CFTR: variants seen among roughly 807,000 people sequenced by gnomAD.
CFTR encodes CF transmembrane conductance regulator.
A neutral mutation model predicts 171.6 loss-of-function variants in CFTR; 181 were observed. The ratio of observed to expected loss-of-function variants is 1.05; its 90% CI spans 0.93 to 1.19. CFTR has a LOEUF of 1.19. Ranked by LOEUF, CFTR falls within the 50% of genes most tolerant of loss-of-function variation. The probability of loss-of-function intolerance (pLI) is 0.00; values close to 1 mark genes in which losing one functional copy is unlikely to be tolerated. For missense variants in CFTR, 1,968 were observed against 1,734.7 expected (o/e 1.13, Z -2.39); for synonymous variants, 583 against 608.0 (o/e 0.96, Z 0.60).
chr7:117,661,968 C>A (rs1793295061), intron 24 of CFTR, among the ~76,000 whole-genome samples: 1 of 115,568 alleles, frequency 8.7e-6, no homozygotes, highest in Non-Finnish European at 1.7e-5. Flanking sequence ...CCTTTTCTTG[C>A]TGGTTAATTT....
At chr7:117,587,949 G>C in intron 12 of CFTR, 116 bp downstream of exon 12, 1 of 711,094 alleles carries the variant, frequency 1.4e-6, no homozygotes, top group East Asian at 2.7e-5. Flanking sequence ...AAAAATCCTG[G>C]GGTTTTATGG....
chr7:117,580,978 C>T (rs1791841532), intron 11 of CFTR, among the ~76,000 whole-genome samples: 1 of 152,078 alleles, frequency 6.6e-6, no homozygotes, highest in Admixed American at 6.6e-5. Context: ...ATCCTAAAAG[C>T]AAGATACATT....
intron 13 of CFTR, among the ~76,000 whole-genome samples, chr7:117,591,144 A>C (rs1442031571): frequency 1.3e-5 from 2 of 152,190 alleles, no homozygotes; most frequent in African/African-American, 4.8e-5. Flanking sequence ...TATTCCTAGA[A>C]GTACCTTTCT....
intron 4 of CFTR, among the ~76,000 whole-genome samples, chr7:117,532,604 G>T (rs921133461): frequency 1.3e-5 from 2 of 152,128 alleles, no homozygotes; most frequent in African/African-American, 4.8e-5. Context: ...GGCTAAACGG[G>T]TGTAGAGATC....
chr7:117,658,841 C>A (rs755635322), intron 24 of CFTR, among the ~76,000 whole-genome samples: 6 of 152,178 alleles, frequency 3.9e-5, no homozygotes, highest in Non-Finnish European at 5.9e-5. Context: ...GGCTCATTTC[C>A]CTCATTGACC....
At chr7:117,480,623 T>C (rs763288533) in intron 1 of CFTR, among the ~76,000 whole-genome samples, 2 of 152,176 alleles carry the variant, frequency 1.3e-5, no homozygotes, top group African/African-American at 4.8e-5. Flanking sequence ...AGAAAATATA[T>C]GCTTAAAGTA....
chr7:117,511,544 C>T (rs749467571), intron 3 of CFTR, among the ~76,000 whole-genome samples: 1 of 152,290 alleles, frequency 6.6e-6, no homozygotes, highest in Non-Finnish European at 1.5e-5. Context: ...ATCATCTCAA[C>T]TCCTACTGAT....
intron 21 of CFTR, among the ~76,000 whole-genome samples, chr7:117,626,095 A>AT (rs1265317888): frequency 1.3e-5 from 2 of 152,128 alleles, no homozygotes; most frequent in Non-Finnish European, 2.9e-5. Flanking sequence ...GCTGAAGACA[A>AT]TTTGAAGATA....
intron 3 of CFTR, among the ~76,000 whole-genome samples, chr7:117,523,802 T>A (rs1361317983): frequency 6.6e-6 from 1 of 152,210 alleles, no homozygotes; most frequent in Admixed American, 6.5e-5. Flanking sequence ...GAAAAGTCTA[T>A]TGTGATCTGG....
intron 21 of CFTR, among the ~76,000 whole-genome samples, chr7:117,627,138 T>C (rs902444559): frequency 2.0e-5 from 3 of 152,072 alleles, no homozygotes; most frequent in African/African-American, 7.2e-5. Flanking sequence ...AAGAGAAGAA[T>C]CTTCAGTAGT....
intron 1 of CFTR, among the ~76,000 whole-genome samples, chr7:117,490,451 G>A (rs912656158): frequency 2.6e-5 from 4 of 151,774 alleles, no homozygotes; most frequent in Non-Finnish European, 4.4e-5. Context: ...GAGAGTCAAT[G>A]TTCCAGTTTG....
chr7:117,509,534 ATGTT>A (rs899177752), intron 3 of CFTR, among the ~76,000 whole-genome samples: 4 of 152,164 alleles, frequency 2.6e-5, no homozygotes, highest in East Asian at 1.9e-4. Flanking sequence ...ACATATATGA[ATGTT>A]TGTAATATTT....
At chr7:117,581,919 C>A (rs1445276498) in intron 11 of CFTR, among the ~76,000 whole-genome samples, 1 of 151,906 alleles carries the variant, frequency 6.6e-6, no homozygotes, top group Non-Finnish European at 1.5e-5. Flanking sequence ...CCATACCTGG[C>A]TAAATTTTGC....
At chr7:117,626,267 T>G (rs535291691) in intron 21 of CFTR, among the ~76,000 whole-genome samples, 43 of 152,246 alleles carry the variant, frequency 2.8e-4, no homozygotes, top group African/African-American at 9.4e-4. Context: ...TAAACTCCTC[T>G]GCTTTATCCA....
rs558207012 is a variant in CFTR, at chr7:117,663,711, C to T, written c.3964-977C>T. 5.3e-5 allele frequency among the ~76,000 whole-genome samples: 8 copies of T among 152,260 alleles called. No homozygotes were observed. In the East Asian group the frequency reaches 1.4e-3, roughly 26 times the overall value. ...TGAGCCATTATCTCATTCTATATTA[C>T]AGTCAGGTGGAGCCCATCTTACCTC... On this transcript the variant is annotated intron_variant, in intron 24 of 26. Coordinates refer to ENST00000003084, the MANE Select transcript of CFTR (RefSeq NM_000492.4).
chr7:117,559,767 T>A (rs1489898234), intron 11 of CFTR, 112 bp downstream of exon 11: 1 of 741,480 alleles, frequency 1.3e-6, no homozygotes, highest in Non-Finnish European at 2.3e-6. Context: ...TTATGTTTCC[T>A]CTATGGGTAA....
At chr7:117,665,369 G>C (rs2116222352) in intron 25 of CFTR, 90 bp from the exon 26 acceptor site, 3 of 775,436 alleles carry the variant, frequency 3.9e-6, no homozygotes, top group East Asian at 5.3e-5. Context: ...GTAATTTAAA[G>C]AGATAATAGA....
intron 1 of CFTR, among the ~76,000 whole-genome samples, chr7:117,497,293 C>A (rs1385647325): frequency 6.6e-6 from 1 of 152,112 alleles, no homozygotes; most frequent in Admixed American, 6.6e-5. Flanking sequence ...TTATGCAAGT[C>A]TGTGGTAATG....
At chr7:117,502,816 C>T (rs573591060) in intron 1 of CFTR, among the ~76,000 whole-genome samples, 59 of 152,236 alleles carry the variant, frequency 3.9e-4, no homozygotes, top group Admixed American at 5.9e-4. Flanking sequence ...TGTTAAAATG[C>T]GGATATTGCA....
Sources: allele counts gnomAD v4.1 joint callset (sites outside exome capture counted in the v4.1 genomes callset), GRCh38; gene constraint gnomAD v4.1.1; transcripts MANE v1.5; gene names NCBI Gene and HGNC (gene_info 2026-07-23, HGNC 2026-07-21).